Variants in VPS26A observed in about 807,000 individuals in gnomAD.
VPS26A encodes vacuolar protein sorting-associated protein 26A.
Under a neutral mutation model 42.4 loss-of-function variants are expected in VPS26A, and 22 were observed. The observed-to-expected ratio is 0.52, with a 90% confidence interval of 0.37 to 0.74. The LOEUF (loss-of-function observed/expected upper bound fraction) is 0.74. Ranked by LOEUF, VPS26A falls within the 30% of genes least tolerant of loss-of-function variation. VPS26A has a pLI of 0.00. For missense variants in VPS26A, 276 were observed against 379.2 expected (o/e 0.73, Z 2.26); for synonymous variants, 110 against 123.5 (o/e 0.89, Z 0.73).
intron 1 of VPS26A, among the ~76,000 whole-genome samples, chr10:69,124,527 C>G (rs10998588): frequency 0.042 from 6,358 of 152,290 alleles, 471 homozygotes; most frequent in African/African-American, 0.14. Flanking sequence ...AGCCTCTGCC[C>G]GCGTTCTTCG....
At chr10:69,125,165 C>T (rs1840622955) in intron 1 of VPS26A, among the ~76,000 whole-genome samples, 1 of 152,278 alleles carries the variant, frequency 6.6e-6, no homozygotes, top group East Asian at 1.9e-4. Flanking sequence ...TCCCAAAGCT[C>T]ACTGATTCAA....
In VPS26A at chr10:69,174,043, A is replaced by AT. The variant is rs1252588461; in HGVS notation, c.*2775dup. The stretch of plus-strand genomic sequence containing the variant: ...ATCAGCAGGACGTGGGCGGGGACAA[A>AT]TAAGAGAATAAAAGCTGGCCACCCC... On this transcript the variant is annotated 3_prime_UTR_variant, in exon 9 of 9. Coordinates refer to ENST00000263559, the MANE Select transcript of VPS26A (RefSeq NM_004896.5). Among the ~76,000 whole-genome samples the AT allele has an allele frequency of 1.3e-5, 2 of 152,200 alleles. No individual in the cohort carries two copies. Among genetic ancestry groups the AT allele is most frequent in the African/African-American group, 4.8e-5 (2 of 41,462 alleles).
intron 1 of VPS26A, among the ~76,000 whole-genome samples, chr10:69,129,686 G>C (rs1840736834): frequency 6.6e-6 from 1 of 152,038 alleles, no homozygotes; most frequent in East Asian, 1.9e-4. Flanking sequence ...ACTACGCCCA[G>C]TTAATTTTTT....
rs145504872 is a variant in VPS26A at position 69,139,610 on chromosome 10, T to A, written c.153+6563T>A. On this transcript the variant is annotated intron_variant, in intron 2 of 8. Transcript: ENST00000263559. ...ATCCATCGTGCCCGGCCTTCTTGAG[T>A]GTTTTAAATCTATTATTACTGCATT... Among the ~76,000 whole-genome samples the A allele has an allele frequency of 3.8e-4, 58 of 152,256 alleles. No individual in the cohort carries two copies. The East Asian group carries it at 0.011, about 29-fold the overall frequency.
At chr10:69,130,402 G>T (rs2132184768) in intron 1 of VPS26A, among the ~76,000 whole-genome samples, 1 of 152,258 alleles carries the variant, frequency 6.6e-6, no homozygotes, top group African/African-American at 2.4e-5. Flanking sequence ...ACTTTGCTTG[G>T]CTCTAAGACA....
chr10:69,135,479 A>C (rs1267868061), intron 2 of VPS26A, among the ~76,000 whole-genome samples: 1 of 152,208 alleles, frequency 6.6e-6, no homozygotes, highest in Non-Finnish European at 1.5e-5. Context: ...GTGGTGGCTC[A>C]TGCCTGTAAT....
intron 3 of VPS26A, among the ~76,000 whole-genome samples, chr10:69,156,483 T>C (rs1841431735): frequency 6.6e-6 from 1 of 152,124 alleles, no homozygotes; most frequent in South Asian, 2.1e-4. Context: ...AGGCTTAAAA[T>C]CTAGCTTTCT....
intron 2 of VPS26A, among the ~76,000 whole-genome samples, chr10:69,146,199 A>G (rs1424882097): frequency 1.3e-5 from 2 of 152,088 alleles, no homozygotes; most frequent in African/African-American, 2.4e-5. Flanking sequence ...GGTTCAAGCA[A>G]TTCTCTTGCC....
chr10:69,149,458 T>C (rs1379102204), intron 2 of VPS26A, among the ~76,000 whole-genome samples: 2 of 152,278 alleles, frequency 1.3e-5, no homozygotes, highest in East Asian at 1.9e-4. Flanking sequence ...TAAAGAGATA[T>C]GTAATCCTGG....
intron 2 of VPS26A, among the ~76,000 whole-genome samples, chr10:69,151,503 G>A (rs1466449307): frequency 1.3e-5 from 2 of 150,220 alleles, no homozygotes; most frequent in Non-Finnish European, 3.0e-5. Flanking sequence ...AGCATAGTTA[G>A]TTTACTTTTC....
chr10:69,127,093 A>ATTTTTTTTTTTTTTTT (rs71035057), intron 1 of VPS26A, among the ~76,000 whole-genome samples: 372 of 97,512 alleles, frequency 3.8e-3, no homozygotes, highest in Non-Finnish European at 5.1e-3. Context: ...CACCCGGCCA[A>ATTTTTTTTTTTTTTTT]TTTTTTTTTT....
chr10:69,129,431 C>G (rs1051262908), intron 1 of VPS26A, among the ~76,000 whole-genome samples: 1 of 151,988 alleles, frequency 6.6e-6, no homozygotes, highest in African/African-American at 2.4e-5. Flanking sequence ...GATTTTCATT[C>G]TCTTTTTTCT....
At chr10:69,140,243 T>C (rs34890029) in intron 2 of VPS26A, among the ~76,000 whole-genome samples, 27,278 of 151,932 alleles carry the variant, frequency 0.18, 2,857 homozygotes, top group Non-Finnish European at 0.23. Flanking sequence ...AATTAAAAAA[T>C]ATATATTTTT....
At chr10:69,170,482 A>G (rs1225943246) in intron 8 of VPS26A, 1 of 152,206 alleles carries the variant, frequency 6.6e-6, no homozygotes, top group Non-Finnish European at 1.5e-5. Context: ...GGAATTTAGA[A>G]GAGGGAAGTT....
In VPS26A at chr10:69,162,490, CA is replaced by C; in HGVS notation, c.642del (p.Glu215ArgfsTer21). The C allele has an allele frequency of 1.3e-6, 2 of 1,551,520 alleles. No individual in the cohort carries two copies. Among genetic ancestry groups the C allele is most frequent in the Admixed American group, 1.9e-5 (1 of 51,758 alleles). On this transcript the variant is annotated frameshift_variant, in exon 6 of 9. Coordinates refer to ENST00000263559, the MANE Select transcript of VPS26A (RefSeq NM_004896.5). LOFTEE classifies it high-confidence loss of function. ...TACAACATATGGAGTTACAGCTGAT[CA>C]AAAAAGAGATCACAGGAATTGGTAA... ...KIQHMELQLIKKEITGIGPST... is the reference protein window; with the variant it reads ...KIQHMELQLIXKEITGIGPST...
chr10:69,124,595 C>T (rs2132175107), intron 1 of VPS26A, among the ~76,000 whole-genome samples: 1 of 152,304 alleles, frequency 6.6e-6, no homozygotes, highest in Admixed American at 6.5e-5. Flanking sequence ...GGGCTGGTCG[C>T]CGCCTCCCCT....
intron 2 of VPS26A, chr10:69,133,607 G>C (rs1385173849): frequency 7.8e-7 from 1 of 1,289,492 alleles, no homozygotes; most frequent in South Asian, 1.2e-5. Context: ...CCTTCTATAA[G>C]GTTTCACTTT....
chr10:69,146,808 A>G (rs748084547), intron 2 of VPS26A, among the ~76,000 whole-genome samples: 2 of 152,226 alleles, frequency 1.3e-5, no homozygotes, highest in Non-Finnish European at 2.9e-5. Flanking sequence ...GTATAAGGAT[A>G]TACCACATTT....
Position 69,149,146 on chromosome 10 carries a change from T to G in VPS26A, c.154-6666T>G, listed in dbSNP as rs1037515823. On this transcript the variant is annotated intron_variant, in intron 2 of 8. Transcript: ENST00000263559. ...TATCTGCACACAAATTATTCATTAA[T>G]AGCAAAGGGGAGAATAATAACTTTA... is the stretch of plus-strand genomic sequence containing the variant. Among the ~76,000 whole-genome samples the G allele has an allele frequency of 3.9e-5, 6 of 152,156 alleles. No individual in the cohort carries two copies. In the South Asian group the frequency reaches 1.2e-3, roughly 31 times the overall value.
Sources: allele counts gnomAD v4.1 joint callset (sites outside exome capture counted in the v4.1 genomes callset), GRCh38; gene constraint gnomAD v4.1.1; transcripts MANE v1.5; gene names NCBI Gene and HGNC (gene_info 2026-07-23, HGNC 2026-07-21).